AGPAT5: variants seen among roughly 807,000 people sequenced by gnomAD.
The protein encoded by AGPAT5 is 1-acylglycerol-3-phosphate O-acyltransferase 5.
Under a neutral mutation model 45.6 loss-of-function variants are expected in AGPAT5, and 46 were observed. The observed-to-expected ratio is 1.01, with a 90% CI of 0.80 to 1.29. The LOEUF (loss-of-function observed/expected upper bound fraction) is 1.29, where lower values mean the gene tolerates loss of function less well. Among genes scored for constraint, AGPAT5 ranks in the 50% most tolerant of loss-of-function variants. The probability of loss-of-function intolerance (pLI) is 0.00; values close to 1 mark genes in which losing one functional copy is unlikely to be tolerated. For missense variants in AGPAT5, 673 were observed against 450.7 expected, an observed-to-expected ratio of 1.49 and a Z score of -4.47; for synonymous variants, 272 against 167.0, an observed-to-expected ratio of 1.63 and a Z score of -4.85.
At position 6,730,792 on chromosome 8, in the gene AGPAT5, A is replaced by G. The variant is rs773473423; in HGVS notation, c.371A>G (p.Lys124Arg). The G allele has an allele frequency of 6.2e-7, 1 of 1,613,494 alleles. No homozygotes were observed. The highest frequency in any genetic ancestry group is 8.5e-7 in the Non-Finnish European group (1 of 1,179,552). Residue 124 changes from lysine to arginine, a missense_variant, in exon 3 of 8, where the codon AAA becomes AGA. Transcript: ENST00000285518. ...HVRYVLKEGL[K>R]WLPLYGCYFA... ...CGCTACGTGCTGAAAGAAGGGTTAA[A>G]ATGGCTGCCATTGTATGGGTGTTAC...
At chr8:6,749,093 A>C (rs1436080413) in intron 6 of AGPAT5, among the ~76,000 whole-genome samples, 1 of 152,238 alleles carries the variant, frequency 6.6e-6, no homozygotes, top group African/African-American at 2.4e-5. Flanking sequence ...ATTATCTAAC[A>C]CTGTCTGTGT....
chr8:6,728,268 A>G (rs1313017550), intron 2 of AGPAT5, among the ~76,000 whole-genome samples: 1 of 152,276 alleles, frequency 6.6e-6, no homozygotes, highest in South Asian at 2.1e-4. Flanking sequence ...ATGCCAGAAC[A>G]CAAAATATGA....
chr8:6,745,433 C>A (rs955971650), intron 5 of AGPAT5, among the ~76,000 whole-genome samples: 10 of 152,162 alleles, frequency 6.6e-5, no homozygotes, highest in African/African-American at 2.4e-4. Context: ...AGAAATGAAT[C>A]CCACTTCTCA....
At chr8:6,745,620 T>C (rs1274201724) in intron 5 of AGPAT5, 1 of 152,206 alleles carries the variant, frequency 6.6e-6, no homozygotes, top group East Asian at 1.9e-4. Flanking sequence ...CACCTCCTCT[T>C]CCTTTAAACA....
At chr8:6,742,009 AATCT>A (rs920462231) in intron 5 of AGPAT5, among the ~76,000 whole-genome samples, 5 of 152,166 alleles carry the variant, frequency 3.3e-5, no homozygotes, top group African/African-American at 9.6e-5. Flanking sequence ...ATTTATTTAA[AATCT>A]ATCTAAGTAC....
At chr8:6,728,077 C>A (rs574004247) in intron 2 of AGPAT5, among the ~76,000 whole-genome samples, 5 of 152,306 alleles carry the variant, frequency 3.3e-5, no homozygotes, top group African/African-American at 1.2e-4. Flanking sequence ...TTGGACTACA[C>A]AGGGCCCTCA....
intron 1 of AGPAT5, 90 bp from the exon 2 acceptor site, chr8:6,724,780 A>G (rs1218265544): frequency 2.5e-6 from 1 of 406,614 alleles, no homozygotes; most frequent in Non-Finnish European, 4.5e-6. Flanking sequence ...TATTCACAAC[A>G]TCATTCGTCA....
intron 1 of AGPAT5, among the ~76,000 whole-genome samples, chr8:6,713,269 C>A (rs1477411522): frequency 6.6e-6 from 1 of 152,096 alleles, no homozygotes. Flanking sequence ...CATGCCTAGC[C>A]CCTAATAAAT....
At position 6,759,133 on chromosome 8, in the gene AGPAT5, TG is replaced by T. The variant is rs1801946279; in HGVS notation, c.*1746del. On this transcript the variant is annotated 3_prime_UTR_variant, in exon 8 of 8. Transcript: ENST00000285518. The stretch of plus-strand genomic sequence containing the variant: ...AAAACTTATGAAAATTTCCTCATGC[TG>T]AATTGTAATTTTCTCTTACCTGTAA... The T allele has an allele frequency of 6.6e-6, 1 of 152,232 alleles. No individual in the cohort carries two copies. 9.4% of individuals were successfully genotyped at this position (152,232 alleles called of 1,614,324 possible).
At chr8:6,755,887 T>C (rs528552574) in intron 7 of AGPAT5, among the ~76,000 whole-genome samples, 2 of 152,334 alleles carry the variant, frequency 1.3e-5, no homozygotes, top group East Asian at 1.9e-4. Context: ...CTGTACATGA[T>C]GTAATGTATT....
intron 6 of AGPAT5, among the ~76,000 whole-genome samples, chr8:6,748,892 T>C (rs906090224): frequency 3.1e-4 from 47 of 152,204 alleles, no homozygotes; most frequent in Non-Finnish European, 1.9e-4. Flanking sequence ...ACGTTTTACA[T>C]GGAAACCCTC....
chr8:6,747,615 T>C, intron 5 of AGPAT5, 55 bp from the exon 6 acceptor site: 1 of 1,484,280 alleles, frequency 6.7e-7, no homozygotes, highest in Non-Finnish European at 9.3e-7. Context: ...TGTTAAACAG[T>C]ATATTGTGGA....
Position 6,727,538 on chromosome 8 carries a change from C to T in AGPAT5, c.289+2599C>T, listed in dbSNP as rs182603169. Reference sequence around the variant, plus strand: ...CTGGGATTACAGACATGCACCACCACGCCTGGCTAATTTTGTATTTTCAGT... The same window carrying T: ...CTGGGATTACAGACATGCACCACCATGCCTGGCTAATTTTGTATTTTCAGT... On this transcript the variant is annotated intron_variant, in intron 2 of 7. Coordinates refer to ENST00000285518, the MANE Select transcript of AGPAT5 (RefSeq NM_018361.5). 3.0e-3 allele frequency among the ~76,000 whole-genome samples: 454 copies of T among 152,192 alleles called. 3 individuals carry two copies. Among genetic ancestry groups the T allele is most frequent in the African/African-American group, 8.3e-3 (344 of 41,516 alleles).
At chr8:6,757,026 C>G in intron 7 of AGPAT5, 137 bp from the exon 8 acceptor site, 2 of 642,108 alleles carry the variant, frequency 3.1e-6, no homozygotes, top group Non-Finnish European at 2.7e-6. Flanking sequence ...AACCAAGTTT[C>G]TGGATGTTTC....
At chr8:6,746,443 C>T (rs565330066) in intron 5 of AGPAT5, among the ~76,000 whole-genome samples, 23 of 152,212 alleles carry the variant, frequency 1.5e-4, no homozygotes, top group African/African-American at 5.1e-4. Flanking sequence ...ACTTGGATGC[C>T]AGTAATTAGT....
intron 4 of AGPAT5, among the ~76,000 whole-genome samples, chr8:6,733,328 C>T (rs1408871755): frequency 6.6e-6 from 1 of 152,168 alleles, no homozygotes; most frequent in Non-Finnish European, 1.5e-5. Context: ...TGGCTCCCTC[C>T]CTCTGTCTTC....
Position 6,753,320 on chromosome 8 carries a change from C to G in AGPAT5, c.746-1731C>G, listed in dbSNP as rs140246788. Among the ~76,000 whole-genome samples, 7 of 152,248 alleles carry G rather than the reference C, an allele frequency of 4.6e-5. No individual in the cohort carries two copies. In the East Asian group the frequency reaches 9.6e-4, roughly 21 times the overall value. On this transcript the variant is annotated intron_variant, in intron 6 of 7. Coordinates refer to ENST00000285518, the MANE Select transcript of AGPAT5 (RefSeq NM_018361.5). ...CTTCCTTACAATCTGTATGCCAGCA[C>G]TTGAAATACCGGGTATCTGCAGTGT...
chr8:6,715,417 G>A (rs766153927), intron 1 of AGPAT5, among the ~76,000 whole-genome samples: 3 of 152,214 alleles, frequency 2.0e-5, no homozygotes, highest in Non-Finnish European at 4.4e-5. Context: ...AGGGCTTTGT[G>A]ATTGAATGTG....
At chr8:6,754,518 G>A (rs1017687214) in intron 6 of AGPAT5, among the ~76,000 whole-genome samples, 20 of 152,194 alleles carry the variant, frequency 1.3e-4, no homozygotes, top group Admixed American at 6.5e-5. Flanking sequence ...CAAAGTTGAG[G>A]ATTATCAGGC....
Sources: gnomAD v4.1 joint callset for allele counts (sites outside exome capture counted in the v4.1 genomes callset) on GRCh38, gnomAD v4.1.1 for gene constraint, MANE v1.5 for transcripts, NCBI Gene and HGNC (gene_info 2026-07-23, HGNC 2026-07-21) for gene names.